Variants in TBC1D10A observed in about 807,000 individuals in gnomAD.
The protein encoded by TBC1D10A is TBC1 domain family member 10A, also known as EBP50-PDX interactor of 64 kDa.
TBC1D10A carries 24 observed loss-of-function variants against 52.9 expected under a neutral mutation model. The ratio of observed to expected loss-of-function variants is 0.45; its 90% CI spans 0.33 to 0.64. TBC1D10A has a LOEUF of 0.64. TBC1D10A is among the 30% of genes least tolerant of loss of function. The pLI is 0.02. For missense variants in TBC1D10A, 602 were observed against 687.9 expected (o/e 0.88, Z 1.40); for synonymous variants, 278 against 282.9 (o/e 0.98, Z 0.17).
At chr22:30,315,871 T>C (rs1208836741) in intron 1 of TBC1D10A, among the ~76,000 whole-genome samples, 1 of 151,980 alleles carries the variant, frequency 6.6e-6, no homozygotes, top group Non-Finnish European at 1.5e-5. Flanking sequence ...GTGCAGACAC[T>C]TGGGGCTGGG....
chr22:30,325,760 CG>C (rs1458831112), intron 1 of TBC1D10A, among the ~76,000 whole-genome samples: 1 of 152,102 alleles, frequency 6.6e-6, no homozygotes, highest in African/African-American at 2.4e-5. Flanking sequence ...GATAGGACAT[CG>C]GGGGGTGCTA....
At chr22:30,301,788 G>T (rs1930206530) in intron 2 of TBC1D10A, among the ~76,000 whole-genome samples, 1 of 152,230 alleles carries the variant, frequency 6.6e-6, no homozygotes, top group Admixed American at 6.5e-5. Context: ...GGTGGGGGAA[G>T]AGTAGCAGTG....
Position 30,326,773 on chromosome 22 carries a change from C to T in TBC1D10A, c.109G>A (p.Glu37Lys), listed in dbSNP as rs774713958. The part of the protein sequence containing the change: ...AQGPDAATTD[E>K]LSSLGSDSEA... ...GAGTCAGACCCGAGAGAGCTGAGTT[C>T]GTCGGTGGTTGCGGCGTCGGGGCCC... Residue 37 changes from glutamate (E) to lysine (K), a missense_variant, in exon 1 of 9, where the codon GAA becomes AAA. By Grantham distance (56) the Glu-to-Lys change is moderately conservative (BLOSUM62 1). Around this residue, in one of 3 missense-constraint regions of TBC1D10A, gnomAD observed 201 missense variants for 204.4 expected, o/e 0.98. Transcript: ENST00000215790. 14 of 1,508,858 alleles carry T rather than the reference C, an allele frequency of 9.3e-6. No individual in the cohort carries two copies. The highest frequency in any genetic ancestry group is 2.1e-5 in the Admixed American group (1 of 47,032). 93.5% of individuals were successfully genotyped at this position (1,508,858 alleles called of 1,614,324 possible). A position where few individuals can be genotyped will look rare whatever the true frequency, so the allele number is the denominator to read the frequency against.
At chr22:30,320,029 G>A (rs577361701) in intron 1 of TBC1D10A, among the ~76,000 whole-genome samples, 6 of 152,254 alleles carry the variant, frequency 3.9e-5, no homozygotes, top group African/African-American at 9.6e-5. Context: ...ATCCCTCTCC[G>A]GTCTGGCTCC....
intron 1 of TBC1D10A, among the ~76,000 whole-genome samples, chr22:30,312,598 CA>C (rs1569163176): frequency 6.6e-6 from 1 of 152,092 alleles, no homozygotes; most frequent in Non-Finnish European, 1.5e-5. Context: ...ACACAAAAAA[CA>C]AAGAAACTTC....
Position 30,292,623 on chromosome 22 carries a change from G to C in TBC1D10A, c.1279C>G (p.Pro427Ala). ...TGCTCCTTCTGGGCCTGCTTGGGTG[G>C]CTTGGGCTTGGCTTTGGAGCCAGGG... ...PLPGSKAKPK[P>A]PKQAQKEQRK... Residue 427 changes from proline (P) to alanine (A), a missense_variant, in exon 9 of 9, where the codon CCA becomes GCA. This residue lies in a region of TBC1D10A where 265 missense variants were observed against 275.1 expected (regional missense o/e 0.96). Transcript: ENST00000215790. 6.2e-7 allele frequency: 1 copy of C among 1,613,288 alleles called. No homozygotes were observed. The highest frequency in any genetic ancestry group is 8.5e-7 in the Non-Finnish European group (1 of 1,179,652).
chr22:30,292,992 G>T, intron 8 of TBC1D10A, 141 bp from the exon 9 acceptor site: 1 of 935,674 alleles, frequency 1.1e-6, no homozygotes, highest in Non-Finnish European at 1.6e-6. Flanking sequence ...TGAGGGTCTA[G>T]TCCCAAGCTG....
chr22:30,314,931 G>A (rs1289315349), intron 1 of TBC1D10A, among the ~76,000 whole-genome samples: 1 of 152,156 alleles, frequency 6.6e-6, no homozygotes, highest in East Asian at 1.9e-4. Flanking sequence ...CACCACCCAG[G>A]AGGACAGAGG....
chr22:30,292,190 T>G lies in TBC1D10A; in HGVS notation c.*185A>C. ...AGCCTGAGTGCCACTGTAAAGAAAA[T>G]AAATAAGGAGGCTCAGGCAGAATCT... On this transcript the variant is annotated 3_prime_UTR_variant, in exon 9 of 9. Coordinates refer to ENST00000215790, the MANE Select transcript of TBC1D10A (RefSeq NM_031937.3). 1.8e-6 allele frequency: 1 copy of G among 542,920 alleles called. No homozygotes were observed. Among genetic ancestry groups the G allele is most frequent in the South Asian group, 4.0e-5 (1 of 24,980 alleles). 33.6% of individuals were successfully genotyped at this position (542,920 alleles called of 1,614,324 possible). A position where few individuals can be genotyped will look rare whatever the true frequency, so the allele number is the denominator to read the frequency against.
chr22:30,315,693 G>T (rs533276382), intron 1 of TBC1D10A, among the ~76,000 whole-genome samples: 36 of 152,336 alleles, frequency 2.4e-4, no homozygotes, highest in Admixed American at 1.0e-3. Context: ...AGTAGGGACA[G>T]GAGTTCTCCG....
chr22:30,311,861 C>T (rs541518630), intron 1 of TBC1D10A, among the ~76,000 whole-genome samples: 13 of 152,230 alleles, frequency 8.5e-5, no homozygotes, highest in Admixed American at 7.2e-4. Context: ...GGCATGATCT[C>T]GGCTCACTGC....
At chr22:30,323,861 C>T (rs1930709852) in intron 1 of TBC1D10A, among the ~76,000 whole-genome samples, 1 of 152,094 alleles carries the variant, frequency 6.6e-6, no homozygotes, top group South Asian at 2.1e-4. Context: ...CTCCCAGCTA[C>T]TCAGGAGGCT....
chr22:30,323,326 A>G (rs760670376), intron 1 of TBC1D10A, among the ~76,000 whole-genome samples: 12 of 152,230 alleles, frequency 7.9e-5, no homozygotes, highest in Non-Finnish European at 1.2e-4. Context: ...AGTCTAATGA[A>G]CTGGTAATGA....
At chr22:30,303,023 G>T (rs1320635195) in intron 2 of TBC1D10A, among the ~76,000 whole-genome samples, 1 of 152,256 alleles carries the variant, frequency 6.6e-6, no homozygotes, top group Non-Finnish European at 1.5e-5. Context: ...GCTCATGCCA[G>T]TAATTCCAGC....
In TBC1D10A at chr22:30,297,691, G is replaced by A. The variant is rs1930112311; in HGVS notation, c.417+1753C>T. 1 of 152,332 alleles carries A rather than the reference G, an allele frequency of 6.6e-6. No individual in the cohort carries two copies. Among genetic ancestry groups the A allele is most frequent in the Non-Finnish European group, 1.5e-5 (1 of 68,148 alleles). 9.4% of individuals were successfully genotyped at this position (152,332 alleles called of 1,614,324 possible). A position where few individuals can be genotyped will look rare whatever the true frequency, so the allele number is the denominator to read the frequency against. On this transcript the variant is annotated intron_variant, in intron 3 of 8. Coordinates refer to ENST00000215790, the MANE Select transcript of TBC1D10A (RefSeq NM_031937.3). This position sits in a 1 kb window ranked among gnomAD's most constrained non-coding sequence, Gnocchi z 4.3. ...GGAAGAAATAGCACGTGCAGGAGAA[G>A]GAGCCACCAGCACCTGCAGAGCCTG...
At chr22:30,299,406 T>C (rs1456284020) in intron 3 of TBC1D10A, 38 bp downstream of exon 3, 1 of 1,598,992 alleles carries the variant, frequency 6.3e-7, no homozygotes, top group Non-Finnish European at 8.6e-7. Context: ...CGCCAAGAGA[T>C]GCGGAAGGGA....
intron 8 of TBC1D10A, chr22:30,293,195 T>C (rs1475331116): frequency 3.2e-6 from 2 of 634,346 alleles, no homozygotes; most frequent in African/African-American, 1.8e-5. Flanking sequence ...CCTGGCTGCT[T>C]AGGCTCAAAT....
At chr22:30,295,693 G>A in intron 4 of TBC1D10A, 44 bp downstream of exon 4, 1 of 1,596,722 alleles carries the variant, frequency 6.3e-7, no homozygotes, top group Non-Finnish European at 8.6e-7. Flanking sequence ...CTTAGAGACA[G>A]GCCCTAGAGC....
At chr22:30,307,536 C>T (rs560866965) in intron 1 of TBC1D10A, among the ~76,000 whole-genome samples, 1 of 152,288 alleles carries the variant, frequency 6.6e-6, no homozygotes, top group East Asian at 1.9e-4. Context: ...ACAATTCTCC[C>T]ATACCAGGCA....
Sources: allele counts gnomAD v4.1 joint callset (sites outside exome capture counted in the v4.1 genomes callset), GRCh38; gene constraint gnomAD v4.1.1; regional missense constraint gnomAD v4.1.1; non-coding constraint Gnocchi (gnomAD v3.1); transcripts MANE v1.5; gene names NCBI Gene and HGNC (gene_info 2026-07-23, HGNC 2026-07-21).